ACVR2A: variants seen among roughly 807,000 people sequenced by gnomAD.
ACVR2A encodes activin A receptor type 2A, also known as activin receptor type-2A.
Under a neutral mutation model 61.4 loss-of-function variants are expected in ACVR2A, and 7 were observed. That is an observed-to-expected ratio of 0.11 (90% CI 0.06 to 0.21). The LOEUF is 0.21. Among genes scored for constraint, ACVR2A ranks in the 10% least tolerant of loss-of-function variants. The pLI is 1.00. For synonymous variants in ACVR2A, 193 were observed against 208.3 expected, an observed-to-expected ratio of 0.93 and a Z score of 0.63; for missense variants, 322 against 621.7, an observed-to-expected ratio of 0.52 and a Z score of 5.13.
chr2:147,865,203 G>A (rs939629766), intron 1 of ACVR2A, among the ~76,000 whole-genome samples: 71 of 152,244 alleles, frequency 4.7e-4, no homozygotes, highest in African/African-American at 1.7e-3. Context: ...AGTGTCCAGT[G>A]CTCAATAAAT....
intron 1 of ACVR2A, among the ~76,000 whole-genome samples, chr2:147,884,335 T>C (rs1238102487): frequency 6.6e-6 from 1 of 152,180 alleles, no homozygotes; most frequent in Non-Finnish European, 1.5e-5. Flanking sequence ...TAATTCATCT[T>C]ATGAGTTAGG....
chr2:147,884,753 G>GATAT (rs1219816121), intron 1 of ACVR2A, among the ~76,000 whole-genome samples: 1 of 152,134 alleles, frequency 6.6e-6, no homozygotes, highest in Non-Finnish European at 1.5e-5. Flanking sequence ...TTTGATACCT[G>GATAT]TGGCCTTTCA....
At chr2:147,890,229 C>T (rs1164322422) in intron 1 of ACVR2A, among the ~76,000 whole-genome samples, 3 of 152,046 alleles carry the variant, frequency 2.0e-5, no homozygotes, top group Non-Finnish European at 4.4e-5. Context: ...GAAGTAGCAG[C>T]CCTTCTTCTA....
At chr2:147,896,175 C>T in intron 1 of ACVR2A, 126 bp from the exon 2 acceptor site, 2 of 807,254 alleles carry the variant, frequency 2.5e-6, no homozygotes, top group Non-Finnish European at 3.8e-6. Flanking sequence ...AACCTAAACC[C>T]AAAGTTATAA....
intron 1 of ACVR2A, among the ~76,000 whole-genome samples, chr2:147,853,908 A>T (rs1216680253): frequency 2.6e-5 from 4 of 152,126 alleles, no homozygotes; most frequent in African/African-American, 9.6e-5. Context: ...AGATCTTGGC[A>T]CATTTCTAAA....
At chr2:147,914,408 A>G (rs1323076361) in intron 4 of ACVR2A, among the ~76,000 whole-genome samples, 1 of 151,910 alleles carries the variant, frequency 6.6e-6, no homozygotes. Context: ...ATTCCTATTT[A>G]TATATTATGT....
intron 1 of ACVR2A, among the ~76,000 whole-genome samples, chr2:147,849,081 A>G (rs1005808764): frequency 2.6e-5 from 4 of 152,184 alleles, no homozygotes; most frequent in Non-Finnish European, 5.9e-5. Context: ...TCACCAGTAT[A>G]GTATAATATT....
chr2:147,845,308 T>TGG, intron 1 of ACVR2A, 101 bp downstream of exon 1: 1 of 880,038 alleles, frequency 1.1e-6, no homozygotes, highest in Middle Eastern at 4.5e-4. Context: ...CAGTGGAGCC[T>TGG]GGGGAGGTTG....
At chr2:147,853,174 T>C (rs891869236) in intron 1 of ACVR2A, among the ~76,000 whole-genome samples, 2 of 152,200 alleles carry the variant, frequency 1.3e-5, no homozygotes, top group East Asian at 1.9e-4. Flanking sequence ...CAGATAGATA[T>C]AGTTTTAGAT....
chr2:147,845,397 C>A (rs1005444637), intron 1 of ACVR2A, among the ~76,000 whole-genome samples, 190 bp downstream of exon 1: 7 of 139,878 alleles, frequency 5.0e-5, no homozygotes, highest in Admixed American at 3.1e-4. Context: ...AACCTCCATG[C>A]ATTTTTCTCT....
intron 4 of ACVR2A, among the ~76,000 whole-genome samples, chr2:147,910,351 A>G (rs771649872): frequency 6.6e-6 from 1 of 152,122 alleles, no homozygotes; most frequent in Non-Finnish European, 1.5e-5. Flanking sequence ...ACAAGATCTG[A>G]GAGATCCTTG....
intron 1 of ACVR2A, among the ~76,000 whole-genome samples, chr2:147,870,534 T>C (rs532593174): frequency 6.6e-6 from 1 of 152,208 alleles, no homozygotes; most frequent in Admixed American, 6.5e-5. Flanking sequence ...CGGTATGGAG[T>C]TGGCACTAAA....
At chr2:147,902,172 A>T (rs544335018) in intron 4 of ACVR2A, among the ~76,000 whole-genome samples, 19 of 152,084 alleles carry the variant, frequency 1.2e-4, no homozygotes, top group African/African-American at 4.3e-4. Context: ...CACTCCTGAA[A>T]GTATGGAATG....
chr2:147,846,399 T>C (rs1247177226), intron 1 of ACVR2A, among the ~76,000 whole-genome samples: 2 of 151,646 alleles, frequency 1.3e-5, no homozygotes, highest in Non-Finnish European at 2.9e-5. Context: ...TGTGTGTGTG[T>C]TTGTGTGTTT....
intron 1 of ACVR2A, among the ~76,000 whole-genome samples, chr2:147,879,988 A>C (rs1036852281): frequency 1.3e-5 from 2 of 152,128 alleles, no homozygotes; most frequent in African/African-American, 4.8e-5. Context: ...TGTTGTTTCA[A>C]TTCTCTATAA....
chr2:147,854,631 A>G lies in ACVR2A; in HGVS notation c.55+9424A>G, dbSNP rs575574707. The stretch of plus-strand genomic sequence containing the variant: ...CTCACCCTAAATTAAAGAGGGTGAA[A>G]TAGGTATTCATTCACTTAACAAATC... On this transcript the variant is annotated intron_variant, in intron 1 of 10. Transcript: ENST00000241416. Among the ~76,000 whole-genome samples the G allele has an allele frequency of 7.9e-5, 12 of 152,326 alleles. No individual in the cohort carries two copies. In the East Asian group the frequency reaches 9.6e-4, roughly 12 times the overall value.
intron 1 of ACVR2A, among the ~76,000 whole-genome samples, chr2:147,890,762 TTGTAA>T (rs1335592288): frequency 6.6e-6 from 1 of 152,100 alleles, no homozygotes; most frequent in South Asian, 2.1e-4. Flanking sequence ...ACCTTTAAAG[TTGTAA>T]TGTAAGCTTA....
chr2:147,917,544 C>A, intron 6 of ACVR2A, 118 bp downstream of exon 6: 1 of 1,106,298 alleles, frequency 9.0e-7, no homozygotes, highest in Non-Finnish European at 1.3e-6. Context: ...AATATTTAAC[C>A]TGAAAATAAA....
At chr2:147,913,851 A>G (rs1386600930) in intron 4 of ACVR2A, among the ~76,000 whole-genome samples, 1 of 118,730 alleles carries the variant, frequency 8.4e-6, no homozygotes, top group Non-Finnish European at 1.8e-5. Flanking sequence ...AAAAAAAAAA[A>G]GTCTGAGTTT....
Sources: allele counts gnomAD v4.1 joint callset (sites outside exome capture counted in the v4.1 genomes callset), GRCh38; gene constraint gnomAD v4.1.1; transcripts MANE v1.5; gene names NCBI Gene and HGNC (gene_info 2026-07-23, HGNC 2026-07-21).